Variants in GRK3 observed in about 807,000 individuals in gnomAD.
The protein encoded by GRK3 is G protein-coupled receptor kinase 3.
GRK3 carries 54 observed loss-of-function variants against 95.7 expected under a neutral mutation model. The ratio of observed to expected loss-of-function variants is 0.56; its 90% CI spans 0.45 to 0.71. GRK3 has a LOEUF of 0.71. Ranked by LOEUF, GRK3 falls within the 30% of genes least tolerant of loss-of-function variation. GRK3 has a pLI of 0.00. For missense variants in GRK3, 649 were observed against 851.2 expected (o/e 0.76, Z 2.96); for synonymous variants, 281 against 290.8 (o/e 0.97, Z 0.34).
chr22:25,714,391 T>C lies in GRK3; in HGVS notation c.1492-17T>C, dbSNP rs2085367080. 6.3e-7 allele frequency: 1 copy of C among 1,592,406 alleles called. No homozygotes were observed. ...GTATGTTAAATCATAAATATCTTGATTTCTTAAAATAATCAGCTACTTGAT... is the reference window on the plus strand; with the variant it reads ...GTATGTTAAATCATAAATATCTTGACTTCTTAAAATAATCAGCTACTTGAT... On this transcript the variant is annotated splice_polypyrimidine_tract_variant and intron_variant, in intron 17 of 20. Transcript: ENST00000324198.
chr22:25,648,735 G>A (rs2084806088), intron 3 of GRK3: 3 of 1,099,098 alleles, frequency 2.7e-6, no homozygotes, highest in East Asian at 2.4e-5. Context: ...TGATATGCCT[G>A]CTCAGATTGC....
intron 1 of GRK3, among the ~76,000 whole-genome samples, chr22:25,570,156 C>A (rs544083522): frequency 4.3e-4 from 65 of 152,292 alleles, no homozygotes; most frequent in African/African-American, 1.4e-3. Flanking sequence ...ATAGAGAATT[C>A]CTCTGGGACC....
At chr22:25,720,415 G>T (rs1434103961) in intron 19 of GRK3, among the ~76,000 whole-genome samples, 1 of 148,908 alleles carries the variant, frequency 6.7e-6, no homozygotes, top group South Asian at 2.1e-4. Context: ...ACCGTAAGAC[G>T]CTAAGGAACT....
intron 1 of GRK3, among the ~76,000 whole-genome samples, chr22:25,585,625 C>T (rs1451434380): frequency 6.6e-6 from 1 of 152,220 alleles, no homozygotes; most frequent in Non-Finnish European, 1.5e-5. Flanking sequence ...TTATATTAAT[C>T]ATAAAGTTGT....
chr22:25,605,375 G>A (rs1428940733), intron 2 of GRK3, among the ~76,000 whole-genome samples: 2 of 152,026 alleles, frequency 1.3e-5, no homozygotes, highest in African/African-American at 2.4e-5. Flanking sequence ...TAGTTCTTAC[G>A]GCTTCTCATT....
At chr22:25,668,689 G>A (rs116605029) in intron 6 of GRK3, among the ~76,000 whole-genome samples, 309 of 152,290 alleles carry the variant, frequency 2.0e-3, no homozygotes, top group African/African-American at 7.0e-3. Context: ...AAAGGGAGAG[G>A]GTGGGCTGCT....
chr22:25,703,314 A>T (rs561165552), intron 13 of GRK3, among the ~76,000 whole-genome samples, 196 bp from the exon 14 acceptor site: 1 of 152,346 alleles, frequency 6.6e-6, no homozygotes, highest in East Asian at 1.9e-4. Context: ...CAAGTAAGAT[A>T]CAAGTCTTGC....
rs2085463510 is a variant in GRK3, at chr22:25,725,061, C to G, written c.*2611C>G. The G allele has an allele frequency of 6.6e-6, 1 of 152,160 alleles. No individual in the cohort carries two copies. The highest frequency in any genetic ancestry group is 1.5e-5 in the Non-Finnish European group (1 of 68,082). 9.4% of individuals were successfully genotyped at this position (152,160 alleles called of 1,614,324 possible). ...TTGGGTAGAGATGGGGTCTTGAACT[C>G]TTAGGCTCAAGTGATCCTCCTTCCT... On this transcript the variant is annotated 3_prime_UTR_variant, in exon 21 of 21. Transcript: ENST00000324198.
intron 19 of GRK3, among the ~76,000 whole-genome samples, chr22:25,720,752 G>A (rs573230459): frequency 3.0e-4 from 45 of 152,220 alleles, no homozygotes; most frequent in African/African-American, 1.0e-3. Flanking sequence ...TGGGATTACA[G>A]GCATGAGCCA....
intron 13 of GRK3, among the ~76,000 whole-genome samples, chr22:25,696,124 C>T (rs797002670): frequency 5.9e-5 from 9 of 152,136 alleles, no homozygotes; most frequent in South Asian, 2.1e-4. Context: ...TATGAGCCAC[C>T]GCGTCCGGCC....
intron 13 of GRK3, among the ~76,000 whole-genome samples, chr22:25,702,329 G>T (rs1010154502): frequency 6.6e-6 from 1 of 152,136 alleles, no homozygotes; most frequent in Non-Finnish European, 1.5e-5. Context: ...AAGATAAGTG[G>T]CATTTTAATT....
chr22:25,598,397 G>T (rs2084386655), intron 1 of GRK3, among the ~76,000 whole-genome samples: 1 of 152,106 alleles, frequency 6.6e-6, no homozygotes, highest in Non-Finnish European at 1.5e-5. Context: ...TCTGGTCCTG[G>T]CTTGGTGGCT....
chr22:25,585,141 T>C (rs1222121655), intron 1 of GRK3, among the ~76,000 whole-genome samples: 1 of 152,286 alleles, frequency 6.6e-6, no homozygotes, highest in Non-Finnish European at 1.5e-5. Flanking sequence ...CCTGCCTCGC[T>C]ATAGGGCCTT....
intron 10 of GRK3, 63 bp from the exon 11 acceptor site, chr22:25,687,474 G>T: frequency 6.4e-7 from 1 of 1,568,412 alleles, no homozygotes; most frequent in Non-Finnish European, 8.7e-7. Flanking sequence ...TATTTAGGAT[G>T]ACAATGATAT....
intron 1 of GRK3, among the ~76,000 whole-genome samples, chr22:25,595,643 A>C (rs2084367439): frequency 6.6e-6 from 1 of 152,218 alleles, no homozygotes; most frequent in South Asian, 2.1e-4. Context: ...AGGAAATTAG[A>C]CTTTTTAAAT....
At chr22:25,705,157 C>G (rs1370741143) in intron 15 of GRK3, among the ~76,000 whole-genome samples, 6 of 152,066 alleles carry the variant, frequency 3.9e-5, no homozygotes, top group Non-Finnish European at 2.9e-5. Flanking sequence ...ATTACCTATT[C>G]CTGCTATAAT....
intron 2 of GRK3, among the ~76,000 whole-genome samples, chr22:25,638,185 G>T (rs1285349942): frequency 2.0e-5 from 3 of 152,210 alleles, no homozygotes; most frequent in African/African-American, 7.2e-5. Context: ...AATGGAAGAT[G>T]CATTGACTCT....
chr22:25,687,974 T>G (rs111938451), intron 11 of GRK3, among the ~76,000 whole-genome samples: 7 of 152,282 alleles, frequency 4.6e-5, no homozygotes, highest in South Asian at 2.1e-4. Context: ...CGGTGGCTCA[T>G]GCCTGTAATC....
At chr22:25,701,388 G>C (rs2085257705) in intron 13 of GRK3, among the ~76,000 whole-genome samples, 1 of 152,224 alleles carries the variant, frequency 6.6e-6, no homozygotes, top group African/African-American at 2.4e-5. Context: ...AAACAGATGT[G>C]CATCAAGATT....
Sources: allele counts gnomAD v4.1 joint callset (sites outside exome capture counted in the v4.1 genomes callset), GRCh38; gene constraint gnomAD v4.1.1; transcripts MANE v1.5; gene names NCBI Gene and HGNC (gene_info 2026-07-23, HGNC 2026-07-21).